Variants in SLC44A5 observed in about 807,000 individuals in gnomAD.
SLC44A5 encodes the protein choline transporter-like protein 5.
SLC44A5 carries 57 observed loss-of-function variants against 101.8 expected under a neutral mutation model. The ratio of observed to expected loss-of-function variants is 0.56; its 90% CI spans 0.45 to 0.70. SLC44A5 has a LOEUF of 0.70. SLC44A5 is among the 30% of genes least tolerant of loss of function. The pLI is 0.00. For synonymous variants in SLC44A5, 281 were observed against 290.9 expected, an observed-to-expected ratio of 0.97 and a Z score of 0.35; for missense variants, 737 against 853.1, an observed-to-expected ratio of 0.86 and a Z score of 1.70.
chr1:75,595,208 T>C lies in SLC44A5; in HGVS notation c.-70+15832A>G, dbSNP rs1022557585. ...ATTCCAAATGTGGAAAAGTCACCTA[T>C]TAAGTATTAACTAAAGACTAACTCC... On this transcript the variant is annotated intron_variant, in intron 1 of 23. Transcript: ENST00000370859. 1.8e-4 allele frequency among the ~76,000 whole-genome samples: 27 copies of C among 152,090 alleles called. 1 individual carries two copies. The highest frequency in any genetic ancestry group is 6.3e-4 in the African/African-American group (26 of 41,450).
rs568366000 is a variant in SLC44A5, at chr1:75,445,500, A to G, written c.14-48879T>C. Among the ~76,000 whole-genome samples, 31 of 67,798 alleles carry G rather than the reference A, an allele frequency of 4.6e-4. No individual in the cohort carries two copies. In the South Asian group the frequency reaches 0.014, roughly 30 times the overall value. The allele number at this position is 67,798 out of a possible 152,430, so 44.5% of individuals were successfully genotyped here. A position where few individuals can be genotyped will look rare whatever the true frequency, so the allele number is the denominator to read the frequency against. On this transcript the variant is annotated intron_variant, in intron 2 of 23. Coordinates refer to ENST00000370859, the MANE Select transcript of SLC44A5 (RefSeq NM_001130058.2). ...CCTTACTATATAAAATATATATAAT[A>G]TTATACACACAATATAATATATGTA...
intron 2 of SLC44A5, among the ~76,000 whole-genome samples, chr1:75,428,627 A>T (rs754441771): frequency 6.6e-6 from 1 of 152,178 alleles, no homozygotes; most frequent in Non-Finnish European, 1.5e-5. Context: ...ATAATAAACT[A>T]AACCTGACAG....
chr1:75,546,009 A>G (rs1202827641), intron 1 of SLC44A5, among the ~76,000 whole-genome samples: 2 of 151,640 alleles, frequency 1.3e-5, no homozygotes, highest in Admixed American at 1.3e-4. Flanking sequence ...TTTTGCCCAG[A>G]TGGGGTCTCC....
At chr1:75,355,836 G>C (rs907471780) in intron 3 of SLC44A5, among the ~76,000 whole-genome samples, 5 of 152,114 alleles carry the variant, frequency 3.3e-5, no homozygotes, top group Admixed American at 3.3e-4. Context: ...TATGTTACTT[G>C]TTTATGTATT....
At chr1:75,208,397 G>A (rs2100434817) in intron 23 of SLC44A5, among the ~76,000 whole-genome samples, 1 of 152,302 alleles carries the variant, frequency 6.6e-6, no homozygotes, top group Non-Finnish European at 1.5e-5. Context: ...GATCTCAAGT[G>A]ATCTGCCGGC....
intron 2 of SLC44A5, among the ~76,000 whole-genome samples, chr1:75,435,085 A>G (rs1356858578): frequency 1.3e-5 from 2 of 152,160 alleles, no homozygotes; most frequent in African/African-American, 4.8e-5. Flanking sequence ...AAGTCACTTA[A>G]TAACTCTTCT....
At chr1:75,426,228 C>A (rs534944337) in intron 2 of SLC44A5, among the ~76,000 whole-genome samples, 2 of 152,178 alleles carry the variant, frequency 1.3e-5, no homozygotes, top group African/African-American at 4.8e-5. Context: ...CAAGCCAAAC[C>A]GTAGCAGGAT....
At chr1:75,645,890 C>A in the SLC44A5 span, among the ~76,000 whole-genome samples, 3 of 135,378 alleles carry the variant, frequency 2.2e-5, no homozygotes, top group Non-Finnish European at 3.3e-5. Flanking sequence ...AAATAGGGAA[C>A]CCTTTCCCCA....
intron 2 of SLC44A5, among the ~76,000 whole-genome samples, chr1:75,535,889 C>T (rs1670969548): frequency 6.6e-6 from 1 of 151,956 alleles, no homozygotes; most frequent in Non-Finnish European, 1.5e-5. Flanking sequence ...TTACTGGAAA[C>T]CCTATAAAAC....
At chr1:75,423,903 G>A (rs1442174187) in intron 2 of SLC44A5, among the ~76,000 whole-genome samples, 1 of 152,190 alleles carries the variant, frequency 6.6e-6, no homozygotes, top group Non-Finnish European at 1.5e-5. Flanking sequence ...TTGTTGCTCA[G>A]GGTATAAGCA....
chr1:75,392,545 C>T (rs980565226), intron 3 of SLC44A5, among the ~76,000 whole-genome samples: 1 of 152,080 alleles, frequency 6.6e-6, no homozygotes, highest in Admixed American at 6.6e-5. Flanking sequence ...ACTCTTTATG[C>T]TGTTGGTAGG....
At chr1:75,615,884 C>T, upstream of SLC44A5, 10 of 987,692 alleles carry the variant, frequency 1.0e-5, no homozygotes, top group Non-Finnish European at 1.1e-5. Context: ...TCTTCTTGGC[C>T]ATCTTCTGTC....
chr1:75,491,814 C>T (rs551219026), intron 2 of SLC44A5, among the ~76,000 whole-genome samples: 1 of 152,184 alleles, frequency 6.6e-6, no homozygotes, highest in South Asian at 2.1e-4. Flanking sequence ...TGTGTGGGAA[C>T]ATCAGTTGCT....
At chr1:75,574,867 G>T (rs1358303236) in intron 1 of SLC44A5, among the ~76,000 whole-genome samples, 1 of 152,106 alleles carries the variant, frequency 6.6e-6, no homozygotes, top group Admixed American at 6.6e-5. Context: ...AGAACTAACA[G>T]GAGTAAAACA....
the SLC44A5 span, among the ~76,000 whole-genome samples, chr1:75,706,859 A>G: frequency 1.3e-5 from 2 of 152,154 alleles, no homozygotes; most frequent in African/African-American, 4.8e-5. Context: ...AGCAGCTAAC[A>G]TATGTGAAAT....
chr1:75,502,106 G>A (rs1320267321), intron 2 of SLC44A5, among the ~76,000 whole-genome samples: 1 of 152,174 alleles, frequency 6.6e-6, no homozygotes, highest in Non-Finnish European at 1.5e-5. Flanking sequence ...GCCAACAATA[G>A]TTTTGTTAAC....
intron 2 of SLC44A5, among the ~76,000 whole-genome samples, chr1:75,448,299 T>G (rs189069051): frequency 3.3e-5 from 5 of 152,336 alleles, no homozygotes; most frequent in Admixed American, 6.5e-5. Flanking sequence ...GGAAACATGA[T>G]CATCAGCAAG....
intron 1 of SLC44A5, among the ~76,000 whole-genome samples, chr1:75,590,956 G>A (rs573719957): frequency 6.6e-6 from 1 of 152,300 alleles, no homozygotes; most frequent in South Asian, 2.1e-4. Flanking sequence ...AAGATAGGCA[G>A]TAGCCAGGGA....
intron 2 of SLC44A5, among the ~76,000 whole-genome samples, chr1:75,538,883 G>A (rs1671197804): frequency 6.6e-6 from 1 of 152,140 alleles, no homozygotes; most frequent in Non-Finnish European, 1.5e-5. Flanking sequence ...AGCTATTTGA[G>A]TAATAATATT....
Sources: gnomAD v4.1 joint callset for allele counts (sites outside exome capture counted in the v4.1 genomes callset) on GRCh38, gnomAD v4.1.1 for gene constraint, MANE v1.5 for transcripts, NCBI Gene and HGNC (gene_info 2026-07-23, HGNC 2026-07-21) for gene names.